Variants in ZNF536 observed in about 807,000 individuals in gnomAD.
ZNF536 encodes zinc finger protein 536.
Under a neutral mutation model 84.5 loss-of-function variants are expected in ZNF536, and 13 were observed. That is an observed-to-expected ratio of 0.15 (90% confidence interval 0.10 to 0.24). The LOEUF (loss-of-function observed/expected upper bound fraction) is 0.24, where lower values mean the gene tolerates loss of function less well. Among genes scored for constraint, ZNF536 ranks in the 10% least tolerant of loss-of-function variants. The pLI, the probability that ZNF536 is intolerant of heterozygous loss-of-function variation, is 1.00. For synonymous variants in ZNF536, 811 were observed against 742.5 expected, an observed-to-expected ratio of 1.09 and a Z score of -1.50; for missense variants, 1,536 against 1,747.5, an observed-to-expected ratio of 0.88 and a Z score of 2.16.
chr19:30,581,663 C>T (rs969694591), intron 1 of ZNF536, among the ~76,000 whole-genome samples: 1 of 151,890 alleles, frequency 6.6e-6, no homozygotes, highest in Non-Finnish European at 1.5e-5. Context: ...AGTGGGCCAG[C>T]GCAATGGCTC....
intron 1 of ZNF536, among the ~76,000 whole-genome samples, chr19:30,402,189 A>C (rs2050070925): frequency 6.6e-6 from 1 of 152,140 alleles, no homozygotes; most frequent in South Asian, 2.1e-4. Context: ...AACCTTCTTT[A>C]ATTAGCTGCA....
intron 1 of ZNF536, among the ~76,000 whole-genome samples, chr19:30,602,075 C>T (rs1218289132): frequency 6.6e-6 from 1 of 152,202 alleles, no homozygotes; most frequent in Non-Finnish European, 1.5e-5. Context: ...AAGCTTCAGT[C>T]CACCCATTAG....
chr19:30,666,067 T>C (rs1014263263), intron 1 of ZNF536, among the ~76,000 whole-genome samples: 3 of 152,174 alleles, frequency 2.0e-5, no homozygotes, highest in Admixed American at 6.5e-5. Flanking sequence ...TAGGTACCCA[T>C]GAAGATGGGA....
intron 1 of ZNF536, among the ~76,000 whole-genome samples, chr19:30,633,546 A>G (rs2048963677): frequency 6.6e-6 from 1 of 152,180 alleles, no homozygotes; most frequent in Non-Finnish European, 1.5e-5. Flanking sequence ...TGAGGCTTCA[A>G]CTTCTGGTAA....
intron 1 of ZNF536, among the ~76,000 whole-genome samples, chr19:30,595,568 G>A (rs1256828406): frequency 6.6e-6 from 1 of 152,094 alleles, no homozygotes; most frequent in Non-Finnish European, 1.5e-5. Flanking sequence ...GATTACAGTG[G>A]TGAGCCACCA....
intron 1 of ZNF536, among the ~76,000 whole-genome samples, chr19:30,648,819 T>C (rs1050382086): frequency 6.6e-6 from 1 of 152,206 alleles, no homozygotes; most frequent in African/African-American, 2.4e-5. Context: ...AAAATAAAGA[T>C]CATTTAAACT....
At chr19:30,394,647 G>T (rs942284058) in intron 1 of ZNF536, among the ~76,000 whole-genome samples, 1 of 152,154 alleles carries the variant, frequency 6.6e-6, no homozygotes, top group Non-Finnish European at 1.5e-5. Flanking sequence ...GGTGGTAATT[G>T]TTTGCCCCAC....
chr19:30,329,569 A>G (rs1232500264), intron 2 of ZNF536, among the ~76,000 whole-genome samples: 1 of 152,138 alleles, frequency 6.6e-6, no homozygotes, highest in Non-Finnish European at 1.5e-5. Context: ...ATTTTATTTA[A>G]GAGAACATCT....
chr19:30,614,635 ATTTC>A (rs1568604598), intron 1 of ZNF536, among the ~76,000 whole-genome samples: 2 of 151,374 alleles, frequency 1.3e-5, no homozygotes, highest in South Asian at 2.1e-4. Flanking sequence ...AATCATTTCT[ATTTC>A]TTTCTCTGTG....
Position 30,443,860 on chromosome 19 carries a change from G to T in ZNF536, c.298G>T (p.Val100Leu), listed in dbSNP as rs2052183894. The change falls in exon 2 of 5, where the codon GTG (valine) becomes TTG (leucine). Residue 100 changes from valine to leucine, a missense_variant. Physicochemically the swap from Val to Leu is conservative, Grantham distance 32 (BLOSUM62 1). Around this residue, in one of 8 missense-constraint regions of ZNF536, gnomAD observed 161 missense variants for 178.5 expected, o/e 0.90. Transcript: ENST00000355537. The stretch of plus-strand genomic sequence containing the variant: ...GGTGGACACCAGCCTCAACGGGAGG[G>T]TGGACTTGCAGCAGTTCCTCAACGG... ...REVDTSLNGR[V>L]DLQQFLNGQN... The T allele has an allele frequency of 1.2e-6, 2 of 1,613,546 alleles. No homozygotes were observed. The highest frequency in any genetic ancestry group is 1.7e-6 in the Non-Finnish European group (2 of 1,179,998).
intron 2 of ZNF536, among the ~76,000 whole-genome samples, chr19:30,341,150 G>A (rs2047553146): frequency 6.6e-6 from 1 of 152,152 alleles, no homozygotes; most frequent in South Asian, 2.1e-4. Context: ...TTATAACATC[G>A]CTTAAGACCA....
At chr19:30,289,172 GC>G (rs1250838374) in intron 2 of ZNF536, among the ~76,000 whole-genome samples, 1 of 152,304 alleles carries the variant, frequency 6.6e-6, no homozygotes, top group East Asian at 1.9e-4. Context: ...GGGACAGCCA[GC>G]CCTTAAAAGG....
At chr19:30,627,896 C>G (rs569210449) in intron 1 of ZNF536, among the ~76,000 whole-genome samples, 8 of 152,282 alleles carry the variant, frequency 5.3e-5, no homozygotes, top group African/African-American at 1.9e-4. Flanking sequence ...GGCTCAGCAC[C>G]AATATGACCC....
At chr19:30,463,621 T>C (rs2053254408) in intron 2 of ZNF536, among the ~76,000 whole-genome samples, 1 of 152,140 alleles carries the variant, frequency 6.6e-6, no homozygotes, top group Non-Finnish European at 1.5e-5. Context: ...GGGAATGTGG[T>C]CAACTTATAC....
chr19:30,311,809 C>T (rs2046513140), intron 2 of ZNF536, among the ~76,000 whole-genome samples: 1 of 152,140 alleles, frequency 6.6e-6, no homozygotes, highest in African/African-American at 2.4e-5. Context: ...TGGCTCACAC[C>T]TGTATTCCCA....
chr19:30,483,570 C>G (rs967315005), intron 2 of ZNF536, among the ~76,000 whole-genome samples: 1 of 142,330 alleles, frequency 7.0e-6, no homozygotes, highest in African/African-American at 2.6e-5. Context: ...ACCCCTCTTT[C>G]TGCTTCTTAA....
chr19:30,509,450 AT>A (rs1205449027), intron 2 of ZNF536, among the ~76,000 whole-genome samples: 1 of 148,162 alleles, frequency 6.7e-6, no homozygotes, highest in Non-Finnish European at 1.5e-5. Context: ...ATAGTATATA[AT>A]TTATATATAA....
intron 1 of ZNF536, among the ~76,000 whole-genome samples, chr19:30,686,830 C>G (rs532961161): frequency 6.6e-6 from 1 of 152,192 alleles, no homozygotes; most frequent in African/African-American, 2.4e-5. Context: ...AACTCTCAGT[C>G]TCCGATTATG....
At chr19:30,537,843 C>A (rs765395425) in intron 3 of ZNF536, among the ~76,000 whole-genome samples, 1 of 152,114 alleles carries the variant, frequency 6.6e-6, no homozygotes, top group African/African-American at 2.4e-5. Flanking sequence ...TGAAAGAAGC[C>A]ATGGAAACAT....
Sources: allele counts gnomAD v4.1 joint callset (sites outside exome capture counted in the v4.1 genomes callset), GRCh38; gene constraint gnomAD v4.1.1; regional missense constraint gnomAD v4.1.1; transcripts MANE v1.5; gene names NCBI Gene and HGNC (gene_info 2026-07-23, HGNC 2026-07-21).